Variants in ADAMTS14 observed in about 807,000 individuals in gnomAD.
ADAMTS14 encodes A disintegrin and metalloproteinase with thrombospondin motifs 14.
In ADAMTS14, 100 loss-of-function variants were observed where a neutral mutation model predicts 128.6. That is an observed-to-expected ratio of 0.78 (90% CI 0.66 to 0.92). The LOEUF (loss-of-function observed/expected upper bound fraction) is 0.92, where lower values mean the gene tolerates loss of function less well. ADAMTS14 is among the 40% of genes least tolerant of loss of function. ADAMTS14 has a pLI of 0.00. For synonymous variants in ADAMTS14, 665 were observed against 653.8 expected, an observed-to-expected ratio of 1.02 and a Z score of -0.26; for missense variants, 1,562 against 1,658.6, an observed-to-expected ratio of 0.94 and a Z score of 1.01.
rs1676598703 is a variant in ADAMTS14 at position 70,760,656 on chromosome 10, T to A, written c.3475T>A (p.Ser1159Thr). 1 of 1,613,866 alleles carries A rather than the reference T, an allele frequency of 6.2e-7. No individual in the cohort carries two copies. The highest frequency in any genetic ancestry group is 1.7e-5 in the Admixed American group (1 of 60,002). ...TQLPGALDTS[S>T]PGTQHPFAPE... ...GCTCCCAGGAGCTCTGGATACAAGCTCCCCAGGGACCCAGCATCCCTTTGC... is the reference window on the plus strand; with the variant it reads ...GCTCCCAGGAGCTCTGGATACAAGCACCCCAGGGACCCAGCATCCCTTTGC... Residue 1159 changes from serine to threonine, a missense_variant, in exon 22 of 22, where the codon TCC (serine) becomes ACC (threonine). Ser to Thr is a moderately conservative substitution (Grantham distance 58, BLOSUM62 1). Transcript: ENST00000373207.
chr10:70,741,574 A>G (rs756817014), intron 12 of ADAMTS14, among the ~76,000 whole-genome samples: 3 of 152,180 alleles, frequency 2.0e-5, no homozygotes, highest in Non-Finnish European at 2.9e-5. Flanking sequence ...TTGCATGACC[A>G]GTGTCCTGAG....
Position 70,751,492 on chromosome 10 carries a change from T to G in ADAMTS14, c.2442T>G (p.Thr814=), listed in dbSNP as rs768634643. The G allele has an allele frequency of 1.2e-6, 2 of 1,605,376 alleles. No individual in the cohort carries two copies. The highest frequency in any genetic ancestry group is 2.2e-5 in the East Asian group (1 of 44,564). Residue 814 remains threonine (T), a synonymous_variant, in exon 17 of 22, where the codon ACT becomes ACG. Transcript: ENST00000373207. ...EAIAILALPP[T]EGGPRSSLAY... Reference sequence around the variant, plus strand: ...TCTCCCCTCAGGCTCTCCCCCCAACTGAGGGTGGCCCCCGCAGCAGCCTGG... The same window carrying G: ...TCTCCCCTCAGGCTCTCCCCCCAACGGAGGGTGGCCCCCGCAGCAGCCTGG...
chr10:70,681,006 C>G (rs1171492822), intron 2 of ADAMTS14, among the ~76,000 whole-genome samples: 1 of 152,212 alleles, frequency 6.6e-6, no homozygotes, highest in Non-Finnish European at 1.5e-5. Flanking sequence ...ATCAGAGTCC[C>G]TTTATTGCAA....
At chr10:70,691,322 G>A (rs1232884194) in intron 2 of ADAMTS14, among the ~76,000 whole-genome samples, 3 of 142,102 alleles carry the variant, frequency 2.1e-5, no homozygotes, top group Middle Eastern at 3.6e-3. Flanking sequence ...GTGAATCCCC[G>A]TGTCTACTAA....
intron 2 of ADAMTS14, among the ~76,000 whole-genome samples, chr10:70,690,724 G>C (rs938605488): frequency 6.9e-6 from 1 of 145,150 alleles, no homozygotes. Context: ...CACTGCCAAG[G>C]GTGCAGCACC....
At position 70,738,861 on chromosome 10, in the gene ADAMTS14, G is replaced by A; in HGVS notation, c.1619G>A (p.Cys540Tyr). 1 of 1,614,106 alleles carries A rather than the reference G, an allele frequency of 6.2e-7. No homozygotes were observed. Among genetic ancestry groups the A allele is most frequent in the Non-Finnish European group, 8.5e-7 (1 of 1,180,026 alleles). The change falls in exon 11 of 22, where the codon TGC (cysteine) becomes TAC (tyrosine). Residue 540 changes from cysteine (C) to tyrosine (Y), a missense_variant. Cys to Tyr is a radical substitution (Grantham distance 194). Coordinates refer to ENST00000373207, the MANE Select transcript of ADAMTS14 (RefSeq NM_080722.4). Reference sequence around the variant, plus strand: ...CCCCAGTGGTGCTTCAAAGGTCACTGCATCTGGAAGTCGCCGGAGCAGACA... The same window carrying A: ...CCCCAGTGGTGCTTCAAAGGTCACTACATCTGGAAGTCGCCGGAGCAGACA... ...APGKWCFKGHCIWKSPEQTYG... is the reference protein window; with the variant it reads ...APGKWCFKGHYIWKSPEQTYG...
At position 70,761,633 on chromosome 10, in the gene ADAMTS14, T is replaced by A. The variant is rs1842615952; in HGVS notation, c.*780T>A. On this transcript the variant is annotated 3_prime_UTR_variant, in exon 22 of 22. Transcript: ENST00000373207. ...TCAGGACACCCTGGACCCCAAGTCC[T>A]CAGCATCCAGGGATTTCCAAACTGG... 1 of 152,196 alleles carries A rather than the reference T, an allele frequency of 6.6e-6. No homozygotes were observed. Among genetic ancestry groups the A allele is most frequent in the South Asian group, 2.1e-4 (1 of 4,824 alleles). The allele number at this position is 152,196 out of a possible 1,614,324, so 9.4% of individuals were successfully genotyped here. A position where few individuals can be genotyped will look rare whatever the true frequency, so the allele number is the denominator to read the frequency against.
chr10:70,689,704 G>A (rs1229297580), intron 2 of ADAMTS14, among the ~76,000 whole-genome samples: 1 of 145,640 alleles, frequency 6.9e-6, no homozygotes, highest in Non-Finnish European at 1.6e-5. Context: ...CAGTGTATTC[G>A]CCAACAGCAG....
intron 2 of ADAMTS14, among the ~76,000 whole-genome samples, chr10:70,685,804 T>C (rs1839935226): frequency 6.6e-6 from 1 of 152,050 alleles, no homozygotes; most frequent in Admixed American, 6.5e-5. Context: ...CTAAAAGTGA[T>C]TGGTCTAATG....
At chr10:70,682,027 G>A (rs10999471) in intron 2 of ADAMTS14, among the ~76,000 whole-genome samples, 6,077 of 152,332 alleles carry the variant, frequency 0.04, 193 homozygotes, top group African/African-American at 0.087. Flanking sequence ...TCCCTTGGCT[G>A]TGCTGTTCAC....
intron 4 of ADAMTS14, among the ~76,000 whole-genome samples, chr10:70,728,830 G>A (rs1030285004): frequency 2.0e-5 from 3 of 152,216 alleles, no homozygotes; most frequent in African/African-American, 7.2e-5. Flanking sequence ...TCTCCTGGAG[G>A]AGTGCCCACT....
chr10:70,734,065 G>A (rs746109943), intron 8 of ADAMTS14, 37 bp downstream of exon 8: 10 of 1,595,236 alleles, frequency 6.3e-6, no homozygotes, highest in Non-Finnish European at 8.5e-6. Flanking sequence ...GGATAGGGGA[G>A]CATGCGACCT....
intron 15 of ADAMTS14, among the ~76,000 whole-genome samples, chr10:70,747,961 G>A (rs574371631): frequency 1.0e-3 from 154 of 152,256 alleles, no homozygotes; most frequent in African/African-American, 3.6e-3. Flanking sequence ...CAGCCCTGGC[G>A]ATGAAGGGAG....
chr10:70,711,544 T>C (rs1329750359), intron 4 of ADAMTS14, among the ~76,000 whole-genome samples: 2 of 152,246 alleles, frequency 1.3e-5, no homozygotes, highest in Admixed American at 1.3e-4. Context: ...GTGTCTGCTC[T>C]TGGGTTTGTG....
In ADAMTS14 at chr10:70,760,682, C is replaced by A. The variant is rs148547094; in HGVS notation, c.3501C>A (p.Ala1167=). 74 of 1,614,180 alleles carry A rather than the reference C, an allele frequency of 4.6e-5. No homozygotes were observed. The Admixed American group carries it at 6.3e-4, about 14-fold the overall frequency. Residue 1167 remains alanine, a synonymous_variant, in exon 22 of 22, where the codon GCC becomes GCA. Coordinates refer to ENST00000373207, the MANE Select transcript of ADAMTS14 (RefSeq NM_080722.4). ...TSSPGTQHPF[A]PETPIPGASW... The stretch of plus-strand genomic sequence containing the variant: ...CCCCAGGGACCCAGCATCCCTTTGC[C>A]CCTGAGACACCAATCCCTGGAGCAT...
intron 4 of ADAMTS14, among the ~76,000 whole-genome samples, chr10:70,720,895 A>G (rs1223202783): frequency 6.6e-6 from 1 of 152,048 alleles, no homozygotes; most frequent in Non-Finnish European, 1.5e-5. Context: ...CTAAGACCAC[A>G]CTGATGGTCA....
At chr10:70,735,326 A>AGGT (rs773002259) in intron 9 of ADAMTS14, 25 bp downstream of exon 9, 14 of 1,611,986 alleles carry the variant, frequency 8.7e-6, no homozygotes, top group Non-Finnish European at 1.2e-5. Flanking sequence ...GGCCTCTGCC[A>AGGT]GGTGGTTGGG....
chr10:70,757,958 G>A lies in ADAMTS14; in HGVS notation c.2938-4G>A, dbSNP rs753172139. ...TATGCCTGGCACTGACCCACCCACGGCAGTGCTCTGCCACCTGTGGAGAGG... is the reference window on the plus strand; with the variant it reads ...TATGCCTGGCACTGACCCACCCACGACAGTGCTCTGCCACCTGTGGAGAGG... On this transcript the variant is annotated splice_polypyrimidine_tract_variant and splice_region_variant and intron_variant, in intron 19 of 21. Coordinates refer to ENST00000373207, the MANE Select transcript of ADAMTS14 (RefSeq NM_080722.4). The A allele has an allele frequency of 6.2e-7, 1 of 1,606,120 alleles. No individual in the cohort carries two copies. Among genetic ancestry groups the A allele is most frequent in the South Asian group, 1.1e-5 (1 of 89,758 alleles).
intron 4 of ADAMTS14, among the ~76,000 whole-genome samples, chr10:70,715,320 C>T (rs1278317618): frequency 1.3e-5 from 2 of 152,240 alleles, no homozygotes; most frequent in East Asian, 1.9e-4. Flanking sequence ...AACAGGACCC[C>T]AGGAGAGGGA....
Sources: allele counts gnomAD v4.1 joint callset (sites outside exome capture counted in the v4.1 genomes callset), GRCh38; gene constraint gnomAD v4.1.1; transcripts MANE v1.5; gene names NCBI Gene and HGNC (gene_info 2026-07-23, HGNC 2026-07-21).